MYO1H: variants seen among roughly 807,000 people sequenced by gnomAD.
The protein encoded by MYO1H is myosin IH, also known as unconventional myosin-Ih.
A neutral mutation model predicts 149.3 loss-of-function variants in MYO1H; 118 were observed. The ratio of observed to expected loss-of-function variants is 0.79; its 90% confidence interval spans 0.68 to 0.92. MYO1H has a LOEUF of 0.92. Ranked by LOEUF, MYO1H falls within the 40% of genes least tolerant of loss-of-function variation. The probability of loss-of-function intolerance (pLI) is 0.00; values close to 1 mark genes in which losing one functional copy is unlikely to be tolerated. For missense variants in MYO1H, 1,212 were observed against 1,280.7 expected (o/e 0.95, Z 0.82); for synonymous variants, 447 against 465.2 (o/e 0.96, Z 0.50).
chr12:109,447,408 C>T, exon 32 of MYO1H: 1 of 602,602 alleles, frequency 1.7e-6, no homozygotes. Flanking sequence ...GAAGCAGACC[C>T]CAGGTCACCC....
At chr12:109,410,611 TA>T (rs1257030939) in intron 12 of MYO1H, 76 bp from the exon 13 acceptor site, 4 of 915,702 alleles carry the variant, frequency 4.4e-6, no homozygotes, top group Non-Finnish European at 6.8e-6. Context: ...AAAGATGTTT[TA>T]GAAAACCAAT....
chr12:109,343,681 T>C (rs1001064001), upstream of MYO1H, among the ~76,000 whole-genome samples: 5 of 152,198 alleles, frequency 3.3e-5, no homozygotes, highest in Non-Finnish European at 7.3e-5. Flanking sequence ...GTATATTACA[T>C]GCTCCCACTT....
upstream of MYO1H, among the ~76,000 whole-genome samples, chr12:109,344,994 CTA>C (rs1191503834): frequency 1.3e-5 from 2 of 152,128 alleles, no homozygotes; most frequent in African/African-American, 4.8e-5. Context: ...AACTATAAAA[CTA>C]TTAGAAGAAA....
chr12:109,408,352 T>A (rs1042307422), intron 10 of MYO1H, among the ~76,000 whole-genome samples: 8 of 146,792 alleles, frequency 5.4e-5, no homozygotes, highest in Non-Finnish European at 9.1e-5. Flanking sequence ...TAAAAAAAAA[T>A]TTTGTAGAGA....
chr12:109,347,291 T>C (rs1868358573), upstream of MYO1H, among the ~76,000 whole-genome samples: 1 of 152,118 alleles, frequency 6.6e-6, no homozygotes, highest in Non-Finnish European at 1.5e-5. Context: ...CAGGAAGGGG[T>C]GAACTCTGAG....
At chr12:109,338,431 C>G in the MYO1H span, among the ~76,000 whole-genome samples, 15 of 152,148 alleles carry the variant, frequency 9.9e-5, no homozygotes, top group Admixed American at 2.6e-4. Flanking sequence ...TCCAAGGTCA[C>G]ATTTCCAGTC....
At chr12:109,389,633 C>T (rs751437180) in intron 2 of MYO1H, among the ~76,000 whole-genome samples, 7 of 152,116 alleles carry the variant, frequency 4.6e-5, no homozygotes, top group Non-Finnish European at 8.8e-5. Context: ...AGCTAGTTTT[C>T]GTTAAATTCC....
At chr12:109,354,116 A>AGGG (rs1868528281) in intron 1 of MYO1H, 1 of 152,252 alleles carries the variant, frequency 6.6e-6, no homozygotes, top group Non-Finnish European at 1.5e-5. Context: ...TTATTTAATA[A>AGGG]GTATATTTTT....
intron 22 of MYO1H, among the ~76,000 whole-genome samples, chr12:109,437,946 GGC>G (rs1871934442): frequency 6.6e-6 from 1 of 151,864 alleles, no homozygotes; most frequent in Non-Finnish European, 1.5e-5. Flanking sequence ...AAAAAAATTA[GGC>G]GTGGTGGTGC....
intron 1 of MYO1H, among the ~76,000 whole-genome samples, chr12:109,348,248 A>G (rs1382699720): frequency 6.6e-6 from 1 of 152,238 alleles, no homozygotes; most frequent in African/African-American, 2.4e-5. Context: ...GTGCTGTGCA[A>G]TAAAGACAGA....
intron 13 of MYO1H, 46 bp from the exon 14 acceptor site, chr12:109,411,848 A>G (rs1296741028): frequency 2.9e-6 from 4 of 1,377,022 alleles, no homozygotes; most frequent in Non-Finnish European, 4.0e-6. Context: ...CTTGGCATTG[A>G]TGGAGTGTGG....
the MYO1H span, among the ~76,000 whole-genome samples, chr12:109,341,229 C>CAA: frequency 0.38 from 43,044 of 113,188 alleles, 8,494 homozygotes; most frequent in Admixed American, 0.43. Context: ...CGTTCCATCT[C>CAA]AAAAAAAAAA....
intron 1 of MYO1H, among the ~76,000 whole-genome samples, chr12:109,348,910 C>A (rs1275825123): frequency 1.3e-5 from 2 of 152,232 alleles, no homozygotes; most frequent in Non-Finnish European, 2.9e-5. Flanking sequence ...CTAGCTACAG[C>A]TTGTCATTGA....
At chr12:109,351,486 T>A (rs961939675) in intron 1 of MYO1H, among the ~76,000 whole-genome samples, 2 of 152,258 alleles carry the variant, frequency 1.3e-5, no homozygotes, top group African/African-American at 4.8e-5. Flanking sequence ...TGGTATCTGT[T>A]TAAAAGCCAT....
chr12:109,321,938 T>C, the MYO1H span, among the ~76,000 whole-genome samples: 2 of 152,098 alleles, frequency 1.3e-5, no homozygotes, highest in Non-Finnish European at 2.9e-5. Flanking sequence ...CCTCTGGCCA[T>C]ATACCCCCAA....
chr12:109,444,247 A>G (rs780670188), exon 29 of MYO1H: 3 of 1,613,758 alleles, frequency 1.9e-6, no homozygotes, highest in Middle Eastern at 1.6e-4. Context: ...ATGGAATCTT[A>G]GTCATTCATG....
chr12:109,349,961 G>A (rs1248340778), intron 1 of MYO1H, among the ~76,000 whole-genome samples: 15 of 131,858 alleles, frequency 1.1e-4, no homozygotes, highest in African/African-American at 1.8e-4. Flanking sequence ...ACTCTGTCTT[G>A]AAAAAAAAAA....
At chr12:109,355,411 T>C (rs1212211098) in intron 1 of MYO1H, among the ~76,000 whole-genome samples, 1 of 152,124 alleles carries the variant, frequency 6.6e-6, no homozygotes, top group East Asian at 1.9e-4. Context: ...GAAATGCAGA[T>C]TCTGACTCAA....
chr12:109,357,998 A>G (rs1868646807), intron 1 of MYO1H, among the ~76,000 whole-genome samples: 2 of 151,742 alleles, frequency 1.3e-5, no homozygotes. Context: ...TCATTTGCTG[A>G]TTTTTCATGC....
Sources: allele counts gnomAD v4.1 joint callset (sites outside exome capture counted in the v4.1 genomes callset), GRCh38; gene constraint gnomAD v4.1.1; transcripts MANE v1.5; gene names NCBI Gene and HGNC (gene_info 2026-07-23, HGNC 2026-07-21).